The following RUNX1T1 variants were observed in gnomAD, a reference collection of about 807,000 sequenced individuals.
The protein encoded by RUNX1T1 is protein CBFA2T1.
RUNX1T1 carries 4 observed loss-of-function variants against 62.8 expected under a neutral mutation model. That is an observed-to-expected ratio of 0.06 (90% CI 0.03 to 0.15). The LOEUF is 0.15. Among genes scored for constraint, RUNX1T1 ranks in the 10% least tolerant of loss-of-function variants. RUNX1T1 has a pLI of 1.00. For synonymous variants in RUNX1T1, 291 were observed against 286.0 expected (o/e 1.02, Z -0.18); for missense variants, 508 against 754.3 (o/e 0.67, Z 3.82).
Position 92,054,515 on chromosome 8 carries a change from C to A in RUNX1T1, c.7+8031G>T, listed in dbSNP as rs371272384. ...ACTATTGCCATCCTGTGAAAGTTAG[C>A]AAGGCAGAATAACTGTTTCTACTTT... On this transcript the variant is annotated intron_variant, in intron 1 of 10. Transcript: ENST00000396218. 3.3e-5 allele frequency among the ~76,000 whole-genome samples: 5 copies of A among 152,242 alleles called. No homozygotes were observed. The East Asian group carries it at 5.8e-4, about 18-fold the overall frequency.
intron 1 of RUNX1T1, among the ~76,000 whole-genome samples, chr8:92,042,425 C>T (rs551391237): frequency 6.6e-6 from 1 of 152,144 alleles, no homozygotes; most frequent in South Asian, 2.1e-4. Flanking sequence ...GTGATCCTCC[C>T]ACCTCGGCCT....
At chr8:91,970,600 GAGC>G in intron 10 of RUNX1T1, 55 bp downstream of exon 11, 2 of 1,393,566 alleles carry the variant, frequency 1.4e-6, no homozygotes, top group Non-Finnish European at 1.9e-6. Context: ...AATGAAGAAT[GAGC>G]ACTCTAATGA....
At chr8:92,037,084 G>T (rs1345212998) in intron 1 of RUNX1T1, among the ~76,000 whole-genome samples, 2 of 152,138 alleles carry the variant, frequency 1.3e-5, no homozygotes, top group African/African-American at 4.8e-5. Context: ...ATCGCCTCAT[G>T]AAATAAAAAT....
At chr8:92,062,442 T>G in intron 1 of RUNX1T1, 1 of 1,270,300 alleles carries the variant, frequency 7.9e-7, no homozygotes, top group Non-Finnish European at 1.2e-6. Flanking sequence ...CCTGCCCACA[T>G]CAGATACAAC....
intron 1 of RUNX1T1, among the ~76,000 whole-genome samples, chr8:92,050,286 GATGTT>G (rs1348868936): frequency 1.3e-5 from 2 of 152,222 alleles, no homozygotes; most frequent in Non-Finnish European, 2.9e-5. Flanking sequence ...ACAAACTACA[GATGTT>G]AAGTGCTACT....
At chr8:91,969,768 C>T (rs1812389972) in intron 10 of RUNX1T1, among the ~76,000 whole-genome samples, 2 of 152,156 alleles carry the variant, frequency 1.3e-5, no homozygotes, top group Admixed American at 6.5e-5. Flanking sequence ...CTTACTCTCC[C>T]TCACAAATTA....
intron 5 of RUNX1T1, among the ~76,000 whole-genome samples, chr8:91,997,027 T>G (rs1456977925): frequency 6.6e-6 from 1 of 151,712 alleles, no homozygotes; most frequent in Non-Finnish European, 1.5e-5. Context: ...CTCTGAAGGC[T>G]GAAGCAAAAA....
At chr8:92,052,336 C>T (rs974868569) in intron 1 of RUNX1T1, among the ~76,000 whole-genome samples, 2 of 152,094 alleles carry the variant, frequency 1.3e-5, no homozygotes, top group African/African-American at 2.4e-5. Context: ...GAATTCAAGT[C>T]GAAAAGCACC....
chr8:91,957,807 C>G (rs1809598437), downstream of RUNX1T1: 1 of 224,450 alleles, frequency 4.5e-6, no homozygotes, highest in African/African-American at 2.2e-5. Flanking sequence ...CCATTCAGAG[C>G]CTGGTTATGT....
intron 1 of RUNX1T1, among the ~76,000 whole-genome samples, chr8:92,099,391 T>C (rs1837937579): frequency 6.6e-6 from 1 of 152,224 alleles, no homozygotes. Context: ...TGCAAGCACA[T>C]GGTTAAAAGC....
At chr8:92,071,191 G>C (rs1235765270) in intron 2 of RUNX1T1, 1 of 152,062 alleles carries the variant, frequency 6.6e-6, no homozygotes, top group Non-Finnish European at 1.5e-5. Flanking sequence ...TCCAAGAAAA[G>C]GAAAAAACAT....
At chr8:92,034,755 TAC>T (rs1316601903) in intron 1 of RUNX1T1, among the ~76,000 whole-genome samples, 10 of 144,218 alleles carry the variant, frequency 6.9e-5, no homozygotes, top group African/African-American at 2.6e-4. Flanking sequence ...CACATATATA[TAC>T]ACACATATAC....
intron 5 of RUNX1T1, among the ~76,000 whole-genome samples, chr8:91,995,574 G>T (rs1263068168): frequency 6.6e-6 from 1 of 152,180 alleles, no homozygotes. Context: ...GACTGTTTGA[G>T]CCCAGGAGTT....
At chr8:91,965,078 G>C (rs1295871393) in intron 10 of RUNX1T1, among the ~76,000 whole-genome samples, 1 of 152,124 alleles carries the variant, frequency 6.6e-6, no homozygotes, top group Non-Finnish European at 1.5e-5. Flanking sequence ...GTACTGACTG[G>C]AAGAAAGAGA....
chr8:92,083,708 A>G (rs955569873), intron 1 of RUNX1T1, among the ~76,000 whole-genome samples: 2 of 152,228 alleles, frequency 1.3e-5, no homozygotes, highest in Non-Finnish European at 2.9e-5. Context: ...TCAAGGGTCT[A>G]GAACCAGAAA....
chr8:92,039,734 A>G lies in RUNX1T1; in HGVS notation c.8-22371T>C, dbSNP rs572430493. ...TTCCCCATTCTGGTTGATGGCAACC[A>G]ATTGCTCATATCAGAATCCAGAGTC... On this transcript the variant is annotated intron_variant, in intron 1 of 10. Coordinates refer to ENST00000396218, the Ensembl canonical transcript of RUNX1T1. Among the ~76,000 whole-genome samples the G allele has an allele frequency of 4.6e-5, 7 of 152,326 alleles. No homozygotes were observed. The South Asian group carries it at 8.3e-4, about 18-fold the overall frequency.
intron 8 of RUNX1T1, among the ~76,000 whole-genome samples, chr8:91,976,417 A>C (rs1247970637): frequency 6.6e-6 from 1 of 152,246 alleles, no homozygotes; most frequent in Non-Finnish European, 1.5e-5. Context: ...CTTTCAATGA[A>C]TAGCAAGCTC....
intron 6 of RUNX1T1, among the ~76,000 whole-genome samples, chr8:91,989,885 G>C (rs78864229): frequency 6.6e-6 from 1 of 152,180 alleles, no homozygotes; most frequent in Non-Finnish European, 1.5e-5. Context: ...ACATTAGACA[G>C]ACTGGCTATT....
At chr8:92,051,591 C>A (rs1054155893) in intron 1 of RUNX1T1, among the ~76,000 whole-genome samples, 2 of 147,172 alleles carry the variant, frequency 1.4e-5, no homozygotes, top group African/African-American at 2.6e-5. Flanking sequence ...CTCTCTCACA[C>A]ACACACACAC....
Sources: allele counts gnomAD v4.1 joint callset (sites outside exome capture counted in the v4.1 genomes callset), GRCh38; gene constraint gnomAD v4.1.1; transcripts MANE v1.5; gene names NCBI Gene and HGNC (gene_info 2026-07-23, HGNC 2026-07-21).